CNTN4: variants seen among roughly 807,000 people sequenced by gnomAD.
CNTN4 encodes the protein contactin-4.
CNTN4 carries 77 observed loss-of-function variants against 122.5 expected under a neutral mutation model. That is an observed-to-expected ratio of 0.63 (90% CI 0.52 to 0.76). CNTN4 has a LOEUF of 0.76. Ranked by LOEUF, CNTN4 falls within the 30% of genes least tolerant of loss-of-function variation. CNTN4 has a pLI of 0.00. For synonymous variants in CNTN4, 512 were observed against 447.0 expected (o/e 1.15, Z -1.83); for missense variants, 1,256 against 1,259.1 (o/e 1.00, Z 0.04).
intron 2 of CNTN4, among the ~76,000 whole-genome samples, chr3:2,227,417 GCTGA>G (rs111896069): frequency 0.014 from 2,122 of 152,214 alleles, 49 homozygotes; most frequent in African/African-American, 0.048. Context: ...TCTCATCATA[GCTGA>G]CTAATAGTTA....
intron 4 of CNTN4, among the ~76,000 whole-genome samples, chr3:2,622,369 G>A (rs1458394033): frequency 6.6e-6 from 1 of 152,174 alleles, no homozygotes; most frequent in Non-Finnish European, 1.5e-5. Context: ...TCTGCTCACT[G>A]CAACTTCTGC....
intron 3 of CNTN4, among the ~76,000 whole-genome samples, chr3:2,551,226 T>C (rs1303140414): frequency 6.6e-6 from 1 of 152,118 alleles, no homozygotes; most frequent in African/African-American, 2.4e-5. Context: ...TATCACTTAA[T>C]GGAAAACATT....
intron 6 of CNTN4, among the ~76,000 whole-genome samples, chr3:2,815,891 T>TATATATATATATATA (rs1559534875): frequency 6.1e-5 from 9 of 147,964 alleles, no homozygotes; most frequent in African/African-American, 2.1e-4. Context: ...TATATATATA[T>TATATATATATATATA]GATGGAATAC....
chr3:2,122,048 G>C (rs532273279), intron 2 of CNTN4, among the ~76,000 whole-genome samples: 1 of 151,834 alleles, frequency 6.6e-6, no homozygotes, highest in Non-Finnish European at 1.5e-5. Flanking sequence ...CCAGCTACTC[G>C]GGAGGCTGAG....
Position 2,317,895 on chromosome 3 carries a change from G to A in CNTN4, c.-144-21283G>A, listed in dbSNP as rs1386428034. 9.2e-5 allele frequency among the ~76,000 whole-genome samples: 14 copies of A among 152,194 alleles called. 2 individuals are homozygous for A. Among genetic ancestry groups the A allele is most frequent in the Admixed American group, 9.2e-4 (14 of 15,280 alleles). ...CGTTTGAAAGTGTTATCTTACTTTT[G>A]CATCAACGATATAGATGCCTTTGGT... On this transcript the variant is annotated intron_variant, in intron 2 of 24. Coordinates refer to ENST00000418658, the MANE Select transcript of CNTN4 (RefSeq NM_175607.3).
At chr3:2,895,695 G>T (rs1412037709) in intron 10 of CNTN4, among the ~76,000 whole-genome samples, 1 of 152,228 alleles carries the variant, frequency 6.6e-6, no homozygotes, top group Non-Finnish European at 1.5e-5. Flanking sequence ...TATGAATCCT[G>T]TTGGTTTAAG....
At chr3:2,864,263 A>G (rs1216440335) in intron 7 of CNTN4, among the ~76,000 whole-genome samples, 1 of 152,150 alleles carries the variant, frequency 6.6e-6, no homozygotes, top group African/African-American at 2.4e-5. Flanking sequence ...TATAACGCAG[A>G]TTTGAACTTT....
At chr3:2,335,301 TA>T (rs965478371) in intron 2 of CNTN4, among the ~76,000 whole-genome samples, 2 of 106,594 alleles carry the variant, frequency 1.9e-5, no homozygotes, top group Admixed American at 1.1e-4. Context: ...TTTTCATGAT[TA>T]AAAAAATGAT....
chr3:2,887,370 C>T, intron 10 of CNTN4, 146 bp downstream of exon 10: 1 of 717,360 alleles, frequency 1.4e-6, no homozygotes, highest in Non-Finnish European at 2.4e-6. Flanking sequence ...ATAATCAGCC[C>T]TGGTTGATTC....
chr3:2,920,520 C>T (rs1181693140), intron 12 of CNTN4, among the ~76,000 whole-genome samples: 1 of 151,636 alleles, frequency 6.6e-6, no homozygotes, highest in Non-Finnish European at 1.5e-5. Context: ...ATGCACAGGA[C>T]CTTTCTGTAT....
chr3:2,780,306 G>C (rs750524307), intron 6 of CNTN4, among the ~76,000 whole-genome samples: 7 of 152,140 alleles, frequency 4.6e-5, no homozygotes, highest in Non-Finnish European at 1.0e-4. Context: ...GACCTTTACA[G>C]TATAGGAGAT....
intron 13 of CNTN4, among the ~76,000 whole-genome samples, chr3:2,982,918 A>G (rs1377979954): frequency 6.6e-6 from 1 of 152,138 alleles, no homozygotes; most frequent in Non-Finnish European, 1.5e-5. Context: ...ATCACTAAAA[A>G]AAATAGCACA....
At chr3:2,411,052 ACT>A (rs1393798272) in intron 3 of CNTN4, among the ~76,000 whole-genome samples, 3 of 151,996 alleles carry the variant, frequency 2.0e-5, no homozygotes, top group Non-Finnish European at 4.4e-5. Flanking sequence ...GTGTTAATAC[ACT>A]CTCTTCTGTG....
At chr3:2,154,221 C>CA (rs2035615410) in intron 2 of CNTN4, among the ~76,000 whole-genome samples, 1 of 151,796 alleles carries the variant, frequency 6.6e-6, no homozygotes, top group African/African-American at 2.4e-5. Context: ...CCCGTCTCTA[C>CA]AAAAAATACA....
intron 7 of CNTN4, among the ~76,000 whole-genome samples, chr3:2,839,891 A>T (rs6781149): frequency 6.6e-6 from 1 of 152,064 alleles, no homozygotes; most frequent in African/African-American, 2.4e-5. Context: ...ATAGCAATCT[A>T]GGGACTTTTT....
intron 2 of CNTN4, among the ~76,000 whole-genome samples, chr3:2,243,342 T>A (rs2040015290): frequency 6.6e-6 from 1 of 152,034 alleles, no homozygotes; most frequent in South Asian, 2.1e-4. Flanking sequence ...AGACAAGAGG[T>A]TCTGTTAGAA....
chr3:3,035,575 G>A (rs1699530734), intron 17 of CNTN4, among the ~76,000 whole-genome samples: 1 of 152,050 alleles, frequency 6.6e-6, no homozygotes, highest in Admixed American at 6.5e-5. Context: ...TGTGTTTTTT[G>A]AGACAGGGTC....
rs367983458 is a variant in CNTN4 at position 2,767,735 on chromosome 3, TA to T, written c.358+22039del. On this transcript the variant is annotated intron_variant, in intron 6 of 24. Transcript: ENST00000418658. ...TCAGATTTTCTCTATGATCACGTCT[TA>T]CGATAATAAGAAGCAAAGTCTCTAA... Among the ~76,000 whole-genome samples, 13 of 152,332 alleles carry T rather than the reference TA, an allele frequency of 8.5e-5. No homozygotes were observed. The East Asian group carries it at 2.5e-3, about 29-fold the overall frequency.
At chr3:2,310,735 G>C (rs551798378) in intron 2 of CNTN4, among the ~76,000 whole-genome samples, 6 of 152,066 alleles carry the variant, frequency 3.9e-5, no homozygotes, top group Non-Finnish European at 7.4e-5. Context: ...GATTATCTGT[G>C]TATATGAAAG....
Sources: allele counts gnomAD v4.1 joint callset (sites outside exome capture counted in the v4.1 genomes callset), GRCh38; gene constraint gnomAD v4.1.1; transcripts MANE v1.5; gene names NCBI Gene and HGNC (gene_info 2026-07-23, HGNC 2026-07-21).